The following REV3L variants were observed in gnomAD, a reference collection of about 807,000 sequenced individuals.
REV3L encodes the protein DNA polymerase zeta catalytic subunit.
In REV3L, 69 loss-of-function variants were observed where a neutral mutation model predicts 299.4. The observed-to-expected ratio is 0.23, with a 90% CI of 0.19 to 0.28. REV3L has a LOEUF of 0.28. Ranked by LOEUF, REV3L falls within the 10% of genes least tolerant of loss-of-function variation. The pLI is 1.00. For synonymous variants in REV3L, 1,238 were observed against 1,271.4 expected (o/e 0.97, Z 0.56); for missense variants, 3,128 against 3,693.8 (o/e 0.85, Z 3.97).
chr6:111,365,568 T>A (rs1372146856), intron 14 of REV3L, among the ~76,000 whole-genome samples: 1 of 152,160 alleles, frequency 6.6e-6, no homozygotes, highest in Non-Finnish European at 1.5e-5. Flanking sequence ...AATTACTGAA[T>A]TTTATACCTC....
At chr6:111,311,394 G>A in intron 28 of REV3L, 135 bp from the exon 29 acceptor site, 1 of 516,412 alleles carries the variant, frequency 1.9e-6, no homozygotes. Flanking sequence ...TACAATGATG[G>A]GATAATAAAA....
intron 16 of REV3L, 106 bp from the exon 17 acceptor site, chr6:111,359,120 T>A (rs985132570): frequency 2.7e-5 from 25 of 917,630 alleles, no homozygotes; most frequent in Non-Finnish European, 3.9e-5. Flanking sequence ...ACAGAAAAAA[T>A]GGACATAAAG....
chr6:111,311,030 C>A (rs751113823), intron 29 of REV3L, 39 bp downstream of exon 29: 1 of 1,533,664 alleles, frequency 6.5e-7, no homozygotes, highest in South Asian at 1.3e-5. Context: ...TGTGCAGAAT[C>A]TCAGGACTAT....
intron 24 of REV3L, chr6:111,331,152 T>C (rs1775336000): frequency 2.6e-6 from 1 of 381,042 alleles, no homozygotes; most frequent in African/African-American, 2.2e-5. Flanking sequence ...TTTGTAAAGT[T>C]TTCCTCTGTC....
rs762635274 is a variant in REV3L at position 111,367,309 on chromosome 6, A to C, written c.6479T>G (p.Phe2160Cys). ...EELPSLAFEN[F>C]LKPIKDGIQK... Reference sequence around the variant, plus strand: ...TATACCATCTTTTATTGGCTTTAAGAAGTTCTCAAAAGCCAATGAAGGCAG... The same window carrying C: ...TATACCATCTTTTATTGGCTTTAAGCAGTTCTCAAAAGCCAATGAAGGCAG... The change falls in exon 14 of 32, where the codon TTC becomes TGC. Residue 2160 changes from phenylalanine (F) to cysteine (C), a missense_variant. Transcript: ENST00000368802. The C allele has an allele frequency of 1.9e-6, 3 of 1,608,934 alleles. No homozygotes were observed. The South Asian group carries it at 3.3e-5, about 18-fold the overall frequency.
chr6:111,351,777 A>G lies in REV3L; in HGVS notation c.7199T>C (p.Ile2400Thr). 1 of 1,610,700 alleles carries G rather than the reference A, an allele frequency of 6.2e-7. No homozygotes were observed. Among genetic ancestry groups the G allele is most frequent in the Non-Finnish European group, 8.5e-7 (1 of 1,177,158 alleles). Residue 2400 changes from isoleucine (I) to threonine (T), a missense_variant, in exon 19 of 32, where the codon ATT becomes ACT. Ile to Thr is a moderately conservative substitution (Grantham distance 89, BLOSUM62 -1). Transcript: ENST00000368802. ...ANIIKRYDPDILLGYEIQMHS... is the reference protein window; with the variant it reads ...ANIIKRYDPDTLLGYEIQMHS... ...CATCTGAATCTCATATCCTAGCAGA[A>G]TATCAGGATCATACCTAAAAAAGGA...
chr6:111,393,541 A>G (rs1236694704), intron 4 of REV3L, among the ~76,000 whole-genome samples: 2 of 152,150 alleles, frequency 1.3e-5, no homozygotes, highest in Non-Finnish European at 2.9e-5. Flanking sequence ...TGAAATATAT[A>G]ATGTATTGTT....
chr6:111,412,850 C>T (rs1158782246), intron 2 of REV3L, among the ~76,000 whole-genome samples: 2 of 151,914 alleles, frequency 1.3e-5, no homozygotes, highest in African/African-American at 4.8e-5. Context: ...TCAAGTCATA[C>T]CATTCTTCCT....
In REV3L at chr6:111,431,887, A is replaced by C. The variant is rs577604279; in HGVS notation, c.140-15415T>G. The stretch of plus-strand genomic sequence containing the variant: ...ATATTTGTAAATTGTGTTTTTAATT[A>C]AACTTTGCAACAGTGAATTTGAATG... On this transcript the variant is annotated intron_variant, in intron 1 of 31. Coordinates refer to ENST00000368802, the MANE Select transcript of REV3L (RefSeq NM_001372078.1). The C allele has an allele frequency of 6.0e-5, 25 of 415,166 alleles. No individual in the cohort carries two copies. In the East Asian group the frequency reaches 1.1e-3, roughly 18 times the overall value. 25.7% of individuals were successfully genotyped at this position (415,166 alleles called of 1,614,324 possible).
rs116860311 is a variant in REV3L at position 111,400,397 on chromosome 6, T to C, written c.565+5073A>G. 1.6e-3 allele frequency among the ~76,000 whole-genome samples: 249 copies of C among 152,336 alleles called. 2 individuals are homozygous for C. Among genetic ancestry groups the C allele is most frequent in the South Asian group, 2.5e-3 (12 of 4,826 alleles). On this transcript the variant is annotated intron_variant, in intron 4 of 31. Coordinates refer to ENST00000368802, the MANE Select transcript of REV3L (RefSeq NM_001372078.1). ...TCCACCTCTTGGTCAACATTTGTTA[T>C]TGTTAGTCTTGCGAATTGTAGTCAT...
chr6:111,481,123 A>G (rs1793578776), intron 1 of REV3L, among the ~76,000 whole-genome samples: 1 of 152,340 alleles, frequency 6.6e-6, no homozygotes, highest in Non-Finnish European at 1.5e-5. Flanking sequence ...TGTGTGGAAA[A>G]GTAACTCAAA....
intron 1 of REV3L, among the ~76,000 whole-genome samples, chr6:111,479,667 G>A (rs1014386914): frequency 6.6e-6 from 1 of 151,848 alleles, no homozygotes; most frequent in Non-Finnish European, 1.5e-5. Context: ...ACACCACCAC[G>A]CCCAGCCAAT....
chr6:111,396,189 G>C (rs2128261578), intron 4 of REV3L, among the ~76,000 whole-genome samples: 1 of 152,028 alleles, frequency 6.6e-6, no homozygotes, highest in East Asian at 1.9e-4. Flanking sequence ...ACCATACCCA[G>C]CTAATTTTTT....
At chr6:111,447,709 T>C (rs1250858824) in intron 1 of REV3L, among the ~76,000 whole-genome samples, 1 of 152,216 alleles carries the variant, frequency 6.6e-6, no homozygotes, top group African/African-American at 2.4e-5. Context: ...AATAAAGTTT[T>C]ACTTAGAAAA....
chr6:111,394,261 T>G (rs550526159), intron 4 of REV3L, among the ~76,000 whole-genome samples: 1 of 152,172 alleles, frequency 6.6e-6, no homozygotes, highest in Non-Finnish European at 1.5e-5. Flanking sequence ...CCACCAACAG[T>G]GTATAAGAGT....
At chr6:111,470,788 T>C (rs1481262747) in intron 1 of REV3L, among the ~76,000 whole-genome samples, 1 of 152,162 alleles carries the variant, frequency 6.6e-6, no homozygotes, top group Non-Finnish European at 1.5e-5. Flanking sequence ...GAAACCAGCC[T>C]GGCCAACATG....
At position 111,299,936 on chromosome 6, in the gene REV3L, A is replaced by AAGTT; in HGVS notation, c.*76_*79dup. On this transcript the variant is annotated 3_prime_UTR_variant, in exon 32 of 32. Transcript: ENST00000368802. ...ACAGTGAACATCCTTGACTCGATGAAAGTTAAAAAGCACCATGCACAACAG... is the reference window on the plus strand; with the variant it reads ...ACAGTGAACATCCTTGACTCGATGAAAGTTAGTTAAAAAGCACCATGCACAACAG... 3.6e-6 allele frequency: 5 copies of AAGTT among 1,377,272 alleles called. No homozygotes were observed. Among genetic ancestry groups the AAGTT allele is most frequent in the Non-Finnish European group, 4.9e-6 (5 of 1,014,964 alleles). The allele number at this position is 1,377,272 out of a possible 1,614,324, so 85.3% of individuals were successfully genotyped here.
At chr6:111,441,136 C>G (rs957801394) in intron 1 of REV3L, among the ~76,000 whole-genome samples, 3 of 152,176 alleles carry the variant, frequency 2.0e-5, no homozygotes, top group Non-Finnish European at 4.4e-5. Flanking sequence ...TTCTGAAAAG[C>G]CCATCAAAGG....
Position 111,384,866 on chromosome 6 carries a change from T to C in REV3L, c.1096+2899A>G, listed in dbSNP as rs143473712. On this transcript the variant is annotated intron_variant, in intron 9 of 31. Transcript: ENST00000368802. ...AGCAATCTAAGTGTCCATCAACAGA[T>C]GAATGGATAAAGAAAATGTGGTACA... Among the ~76,000 whole-genome samples the C allele has an allele frequency of 2.0e-5, 3 of 152,236 alleles. No homozygotes were observed. In the East Asian group the frequency reaches 5.8e-4, roughly 29 times the overall value.
Sources: allele counts gnomAD v4.1 joint callset (sites outside exome capture counted in the v4.1 genomes callset), GRCh38; gene constraint gnomAD v4.1.1; transcripts MANE v1.5; gene names NCBI Gene and HGNC (gene_info 2026-07-23, HGNC 2026-07-21).